RSPH14: variants seen among roughly 807,000 people sequenced by gnomAD.
The protein encoded by RSPH14 is radial spoke head 14 homolog, also known as rhabdoid tumor deletion region gene 1.
Under a neutral mutation model 26.7 loss-of-function variants are expected in RSPH14, and 20 were observed. That is an observed-to-expected ratio of 0.75 (90% CI 0.53 to 1.09). The LOEUF is 1.09. Ranked by LOEUF, RSPH14 falls within the 50% of genes least tolerant of loss-of-function variation. RSPH14 has a pLI of 0.00. For missense variants in RSPH14, 449 were observed against 457.2 expected (o/e 0.98, Z 0.16); for synonymous variants, 177 against 189.3 (o/e 0.93, Z 0.53).
upstream of RSPH14, chr22:23,145,104 T>C (rs958837015): frequency 1.8e-6 from 1 of 542,180 alleles, no homozygotes; most frequent in African/African-American, 1.9e-5. Context: ...TGACTCCAAT[T>C]AAACATCAAT....
chr22:23,091,939 C>A (rs1371190933), intron 4 of RSPH14, among the ~76,000 whole-genome samples: 4 of 152,156 alleles, frequency 2.6e-5, no homozygotes, highest in Non-Finnish European at 2.9e-5. Flanking sequence ...TCCCTTTCAT[C>A]CCTAACACAC....
the RSPH14 span, chr22:23,163,606 G>GCCCCCCCCCCCCCCCCCCCCCCCCCCC: frequency 3.2e-5 from 4 of 125,224 alleles, 1 homozygote; most frequent in Non-Finnish European, 5.4e-5. Flanking sequence ...CAAGGTGAAA[G>GCCCCCCCCCCCCCCCCCCCCCCCCCCC]CCCCCCCCCC....
intron 4 of RSPH14, chr22:23,123,468 C>T (rs1343051553): frequency 8.5e-6 from 12 of 1,412,948 alleles, no homozygotes; most frequent in Non-Finnish European, 1.1e-5. Context: ...TATGGTGAAA[C>T]CCACGGGGTG....
At chr22:23,107,799 G>A (rs1222308463) in intron 4 of RSPH14, among the ~76,000 whole-genome samples, 2 of 152,186 alleles carry the variant, frequency 1.3e-5, no homozygotes, top group Admixed American at 6.5e-5. Flanking sequence ...GTTCCTGATC[G>A]TTTTAAAGCC....
intron 4 of RSPH14, among the ~76,000 whole-genome samples, chr22:23,091,250 CCAGA>C (rs1381358861): frequency 2.6e-5 from 4 of 152,190 alleles, no homozygotes; most frequent in Middle Eastern, 3.2e-3. Flanking sequence ...ATACAAGCAA[CCAGA>C]CACAGACACA....
the RSPH14 span, among the ~76,000 whole-genome samples, chr22:23,174,833 T>C: frequency 7.9e-5 from 12 of 151,838 alleles, no homozygotes; most frequent in Non-Finnish European, 4.4e-5. Context: ...CCAGGAATGG[T>C]GGTGCATGCC....
At chr22:23,141,905 G>A (rs896447237) in intron 1 of RSPH14, 44 bp downstream of exon 1, 64 of 892,968 alleles carry the variant, frequency 7.2e-5, no homozygotes, top group South Asian at 3.1e-4. Context: ...TGGGTCACTG[G>A]GCCCCCCTGT....
chr22:23,130,669 A>G (rs967376130), intron 4 of RSPH14, among the ~76,000 whole-genome samples: 3 of 152,196 alleles, frequency 2.0e-5, no homozygotes, highest in Non-Finnish European at 4.4e-5. Flanking sequence ...ATCCAGGATA[A>G]ATTACACACT....
At chr22:23,134,819 T>C (rs932441628) in intron 3 of RSPH14, among the ~76,000 whole-genome samples, 2 of 152,148 alleles carry the variant, frequency 1.3e-5, no homozygotes, top group Non-Finnish European at 2.9e-5. Context: ...GACCTGCAAC[T>C]GCACCACTGC....
In RSPH14 at chr22:23,071,379, A is replaced by G. The variant is rs2068369374; in HGVS notation, c.422-7246T>C. On this transcript the variant is annotated intron_variant, in intron 4 of 6. Transcript: ENST00000216036. This position sits in a 1 kb window ranked among gnomAD's most constrained non-coding sequence, Gnocchi z 4.1. ...TCCTGTTAACTGAGACAAGAGGATG[A>G]TGCCAAGCGAGACCAGCGTTCCGCG... 6.6e-6 allele frequency among the ~76,000 whole-genome samples: 1 copy of G among 152,152 alleles called. No individual in the cohort carries two copies. Among genetic ancestry groups the G allele is most frequent in the Admixed American group, 6.5e-5 (1 of 15,286 alleles).
At chr22:23,146,117 C>A, upstream of RSPH14, 1 of 683,974 alleles carries the variant, frequency 1.5e-6, no homozygotes, top group Non-Finnish European at 1.8e-6. Context: ...TGGGGCAGGC[C>A]TGGTTCCCCC....
At chr22:23,113,843 G>A (rs537396664) in intron 4 of RSPH14, among the ~76,000 whole-genome samples, 26 of 152,378 alleles carry the variant, frequency 1.7e-4, no homozygotes, top group African/African-American at 5.3e-4. Flanking sequence ...ACAGAGCTCT[G>A]GGAAATGGAG....
At chr22:23,089,502 G>T (rs960878782) in intron 4 of RSPH14, among the ~76,000 whole-genome samples, 3 of 152,220 alleles carry the variant, frequency 2.0e-5, no homozygotes, top group African/African-American at 7.2e-5. Flanking sequence ...GAGGGAAGTG[G>T]TTCCTAGAGT....
chr22:23,114,676 G>T (rs933638152), intron 4 of RSPH14, among the ~76,000 whole-genome samples: 6 of 152,256 alleles, frequency 3.9e-5, no homozygotes, highest in Non-Finnish European at 8.8e-5. Context: ...CCTCACGAGG[G>T]AAGTATGCTT....
intron 4 of RSPH14, among the ~76,000 whole-genome samples, chr22:23,079,591 CA>C (rs1253778249): frequency 6.6e-6 from 1 of 152,152 alleles, no homozygotes; most frequent in Non-Finnish European, 1.5e-5. Flanking sequence ...AGGTTTCAAG[CA>C]CAAGTGAGAC....
At chr22:23,160,771 A>G in the RSPH14 span, 4 of 1,469,172 alleles carry the variant, frequency 2.7e-6, no homozygotes, top group Non-Finnish European at 3.7e-6. Context: ...TGCTCTAGAA[A>G]GGGCTACGTG....
chr22:23,123,665 A>G lies in RSPH14; in HGVS notation c.421+10361T>C. On this transcript the variant is annotated intron_variant, in intron 4 of 6. Transcript: ENST00000216036. ...CACACACACATCTGGAGATGGCAAA[A>G]TCCTCTAAAATGTCGAGGTCTCTTG... 3 of 548,238 alleles carry G rather than the reference A, an allele frequency of 5.5e-6. No homozygotes were observed. The South Asian group carries it at 7.1e-5, about 13-fold the overall frequency. 34.0% of individuals were successfully genotyped at this position (548,238 alleles called of 1,614,324 possible). A position where few individuals can be genotyped will look rare whatever the true frequency, so the allele number is the denominator to read the frequency against.
At chr22:23,139,016 G>A in intron 2 of RSPH14, 74 bp from the exon 3 acceptor site, 1 of 1,194,892 alleles carries the variant, frequency 8.4e-7, no homozygotes, top group Non-Finnish European at 1.2e-6. Flanking sequence ...CAACCCAGAA[G>A]TCAATAAGTG....
intron 4 of RSPH14, among the ~76,000 whole-genome samples, chr22:23,101,933 A>G (rs1214058453): frequency 2.0e-5 from 3 of 152,198 alleles, no homozygotes; most frequent in African/African-American, 7.2e-5. Flanking sequence ...TGATATCCCC[A>G]GCCCGCATCC....
Sources: allele counts gnomAD v4.1 joint callset (sites outside exome capture counted in the v4.1 genomes callset), GRCh38; gene constraint gnomAD v4.1.1; non-coding constraint Gnocchi (gnomAD v3.1); transcripts MANE v1.5; gene names NCBI Gene and HGNC (gene_info 2026-07-23, HGNC 2026-07-21).